The following MEF2C variants were observed in gnomAD, a reference collection of about 807,000 sequenced individuals.
The protein encoded by MEF2C is myocyte-specific enhancer factor 2C.
A neutral mutation model predicts 50.5 loss-of-function variants in MEF2C; 6 were observed. The ratio of observed to expected loss-of-function variants is 0.12; its 90% CI spans 0.07 to 0.23. The LOEUF (loss-of-function observed/expected upper bound fraction) is 0.23. MEF2C is among the 10% of genes least tolerant of loss of function. The probability of loss-of-function intolerance (pLI) is 1.00; values close to 1 mark genes in which losing one functional copy is unlikely to be tolerated. For missense variants in MEF2C, 276 were observed against 605.0 expected, an observed-to-expected ratio of 0.46 and a Z score of 5.70; for synonymous variants, 183 against 228.0, an observed-to-expected ratio of 0.80 and a Z score of 1.78.
Position 88,763,265 on chromosome 5 carries a change from G to T in MEF2C, c.259-1937C>A, listed in dbSNP as rs537007287. On this transcript the variant is annotated intron_variant, in intron 3 of 10. Coordinates refer to ENST00000504921, the MANE Select transcript of MEF2C (RefSeq NM_002397.5). ...GAATTTATAATTGGTGGGGCCACCT[G>T]TCCCCTTATCTTGGATCTACAGGCA... 2.0e-5 allele frequency among the ~76,000 whole-genome samples: 3 copies of T among 152,272 alleles called. No homozygotes were observed. In the East Asian group the frequency reaches 5.8e-4, roughly 29 times the overall value.
At chr5:88,749,900 G>A (rs754355284) in intron 5 of MEF2C, among the ~76,000 whole-genome samples, 2 of 151,892 alleles carry the variant, frequency 1.3e-5, no homozygotes, top group Non-Finnish European at 2.9e-5. Flanking sequence ...CGTGGTGGCG[G>A]GTGCCTGTGG....
At chr5:88,784,359 A>T (rs1189377955) in intron 3 of MEF2C, among the ~76,000 whole-genome samples, 3 of 152,202 alleles carry the variant, frequency 2.0e-5, no homozygotes, top group African/African-American at 7.2e-5. Context: ...CTGTAACAAA[A>T]TTTTTTGTCA....
chr5:88,895,674 C>A (rs1364706950), intron 1 of MEF2C, among the ~76,000 whole-genome samples: 1 of 152,160 alleles, frequency 6.6e-6, no homozygotes, highest in Non-Finnish European at 1.5e-5. Flanking sequence ...GCAGGCCCTG[C>A]TTTCACTTTG....
intron 6 of MEF2C, chr5:88,733,676 C>T (rs1018333223): frequency 1.0e-6 from 1 of 985,150 alleles, no homozygotes; most frequent in Admixed American, 6.2e-5. Flanking sequence ...ATTCATTTAC[C>T]TGTCTCATTT....
intron 6 of MEF2C, chr5:88,740,691 A>AC (rs770543503): frequency 7.6e-4 from 741 of 981,392 alleles, no homozygotes; most frequent in Non-Finnish European, 8.7e-4. Flanking sequence ...AAAAAAAAAA[A>AC]CCCAAATATC....
chr5:88,734,817 TAGA>T (rs1320965778), intron 6 of MEF2C: 1 of 978,728 alleles, frequency 1.0e-6, no homozygotes, highest in Non-Finnish European at 1.2e-6. Flanking sequence ...TACGCCATTT[TAGA>T]AGATTAGTCA....
chr5:88,785,001 C>CA (rs1790123481), intron 3 of MEF2C, among the ~76,000 whole-genome samples: 1 of 152,126 alleles, frequency 6.6e-6, no homozygotes, highest in African/African-American at 2.4e-5. Flanking sequence ...AAATGCTTTA[C>CA]AAGACGGAAG....
At chr5:88,819,472 C>G (rs1807208853) in intron 2 of MEF2C, 1 of 728,642 alleles carries the variant, frequency 1.4e-6, no homozygotes, top group Non-Finnish European at 1.7e-6. Flanking sequence ...TTAAGTCCCA[C>G]TGATCTTCCT....
intron 1 of MEF2C, among the ~76,000 whole-genome samples, chr5:88,854,490 T>G (rs902459421): frequency 1.2e-4 from 19 of 152,204 alleles, no homozygotes; most frequent in African/African-American, 4.6e-4. Flanking sequence ...AAAAGTTCTC[T>G]GAAAGTCAGA....
intron 1 of MEF2C, chr5:88,881,179 T>C (rs1256790573): frequency 6.6e-6 from 1 of 152,202 alleles, no homozygotes; most frequent in African/African-American, 2.4e-5. Flanking sequence ...GTTTAAAGAC[T>C]GTTTTGATGA....
chr5:88,827,662 A>T (rs1464151112), intron 1 of MEF2C, among the ~76,000 whole-genome samples: 1 of 152,138 alleles, frequency 6.6e-6, no homozygotes, highest in East Asian at 1.9e-4. Flanking sequence ...ATAAGAAAAC[A>T]AACACATTGA....
chr5:88,774,698 G>T lies in MEF2C; in HGVS notation c.259-13370C>A, dbSNP rs181843296. On this transcript the variant is annotated intron_variant, in intron 3 of 10. Coordinates refer to ENST00000504921, the MANE Select transcript of MEF2C (RefSeq NM_002397.5). ...TATCTCATTACCACTCACCTAATAT[G>T]TGAATTTATAATAAGTGGTGGATTT... is the stretch of plus-strand genomic sequence containing the variant. Among the ~76,000 whole-genome samples, 9 of 152,274 alleles carry T rather than the reference G, an allele frequency of 5.9e-5. No individual in the cohort carries two copies. In the East Asian group the frequency reaches 1.7e-3, roughly 29 times the overall value.
At chr5:88,820,301 A>T (rs907560045) in intron 2 of MEF2C, among the ~76,000 whole-genome samples, 20 of 151,944 alleles carry the variant, frequency 1.3e-4, no homozygotes, top group Non-Finnish European at 1.2e-4. Context: ...ATTCTCACCT[A>T]AACTATTTTA....
chr5:88,765,008 T>C (rs1433137095), intron 3 of MEF2C, among the ~76,000 whole-genome samples: 1 of 152,060 alleles, frequency 6.6e-6, no homozygotes, highest in East Asian at 1.9e-4. Context: ...ACTTTGTACC[T>C]GAAGAATTAT....
At chr5:88,817,175 ATG>A (rs1391816746) in intron 2 of MEF2C, among the ~76,000 whole-genome samples, 1 of 152,024 alleles carries the variant, frequency 6.6e-6, no homozygotes, top group African/African-American at 2.4e-5. Context: ...TAAAGAGTGA[ATG>A]TATCTCTCTT....
chr5:88,774,720 A>AT (rs1346062761), intron 3 of MEF2C, among the ~76,000 whole-genome samples: 1 of 152,166 alleles, frequency 6.6e-6, no homozygotes, highest in Non-Finnish European at 1.5e-5. Flanking sequence ...TAAGTGGTGG[A>AT]TTTTACGTTC....
At chr5:88,870,589 T>C (rs1275817997) in intron 1 of MEF2C, among the ~76,000 whole-genome samples, 4 of 152,076 alleles carry the variant, frequency 2.6e-5, no homozygotes, top group Admixed American at 2.6e-4. Flanking sequence ...ATTGAAACAT[T>C]CTTTCCAACA....
intron 1 of MEF2C, among the ~76,000 whole-genome samples, chr5:88,869,282 T>TATATATATATATAC: frequency 1.2e-5 from 1 of 86,426 alleles, no homozygotes; most frequent in Non-Finnish European, 2.3e-5. Flanking sequence ...TATATACATA[T>TATATATATATATAC]ATATATATAT....
intron 3 of MEF2C, among the ~76,000 whole-genome samples, chr5:88,783,567 T>G (rs1041608644): frequency 1.1e-4 from 17 of 151,910 alleles, no homozygotes; most frequent in Admixed American, 1.1e-3. Context: ...GAGGTGGAGG[T>G]TGCGGTGAGC....
Sources: allele counts gnomAD v4.1 joint callset (sites outside exome capture counted in the v4.1 genomes callset), GRCh38; gene constraint gnomAD v4.1.1; transcripts MANE v1.5; gene names NCBI Gene and HGNC (gene_info 2026-07-23, HGNC 2026-07-21).